The following SUGP2 variants were observed in gnomAD, a reference collection of about 807,000 sequenced individuals.
The protein encoded by SUGP2 is SURP and G-patch domain containing 2, also known as SURP and G-patch domain-containing protein 2.
In SUGP2, 24 loss-of-function variants were observed where a neutral mutation model predicts 90.5. That is an observed-to-expected ratio of 0.27 (90% CI 0.19 to 0.37). The LOEUF (loss-of-function observed/expected upper bound fraction) is 0.37. Ranked by LOEUF, SUGP2 falls within the 10% of genes least tolerant of loss-of-function variation. The pLI is 1.00. For synonymous variants in SUGP2, 473 were observed against 513.4 expected, an observed-to-expected ratio of 0.92 and a Z score of 1.06; for missense variants, 1,233 against 1,363.3, an observed-to-expected ratio of 0.90 and a Z score of 1.51.
rs759891455 is a variant in SUGP2 at position 19,001,610 on chromosome 19, C to T, written c.2991+3G>A. 1.9e-6 allele frequency: 3 copies of T among 1,614,200 alleles called. No individual in the cohort carries two copies. The highest frequency in any genetic ancestry group is 1.6e-4 in the Middle Eastern group (1 of 6,062). On this transcript the variant is annotated splice_donor_region_variant and intron_variant, in intron 8 of 10. Transcript: ENST00000452918. ...AGTGAGGACTACCAATGATTACGCT[C>T]ACCTTCTTTTTGGACATGGGACGAC... is the stretch of plus-strand genomic sequence containing the variant.
chr19:19,025,390 C>G lies in SUGP2; in HGVS notation c.958G>C (p.Asp320His). ...AATCTTGAAAAAACATCAGACTTAT[C>G]TATGATGTCAAAGCTCATCTTTCTT... is the stretch of plus-strand genomic sequence containing the variant. ...PRRKMSFDII[D>H]KSDVFSRFGI... Residue 320 changes from aspartate (D) to histidine (H), a missense_variant, in exon 3 of 11, where the codon GAT becomes CAT. By Grantham distance (81) the Asp-to-His change is moderately conservative (BLOSUM62 -1). Coordinates refer to ENST00000452918, the MANE Select transcript of SUGP2 (RefSeq NM_001017392.5). 1 of 1,614,126 alleles carries G rather than the reference C, an allele frequency of 6.2e-7. No individual in the cohort carries two copies. The highest frequency in any genetic ancestry group is 1.1e-5 in the South Asian group (1 of 91,074).
At chr19:19,010,844 A>G (rs1470072845) in intron 4 of SUGP2, among the ~76,000 whole-genome samples, 2 of 145,390 alleles carry the variant, frequency 1.4e-5, no homozygotes, top group Non-Finnish European at 2.9e-5. Flanking sequence ...ACATGTACTA[A>G]CAGAAAAATA....
At chr19:19,030,644 A>C (rs2059118144) in intron 2 of SUGP2, among the ~76,000 whole-genome samples, 1 of 151,826 alleles carries the variant, frequency 6.6e-6, no homozygotes, top group Admixed American at 6.6e-5. Context: ...CCCCTGACCA[A>C]GTGCAGTGGC....
intron 4 of SUGP2, among the ~76,000 whole-genome samples, chr19:19,018,784 G>A (rs1020054152): frequency 2.0e-5 from 3 of 151,450 alleles, no homozygotes; most frequent in East Asian, 1.9e-4. Flanking sequence ...GCAAACAACT[G>A]CAATGATGTA....
At chr19:18,995,883 T>C (rs1351539475) in intron 8 of SUGP2, among the ~76,000 whole-genome samples, 3 of 152,106 alleles carry the variant, frequency 2.0e-5, no homozygotes, top group African/African-American at 7.2e-5. Context: ...CAGCTGTTGA[T>C]TGCTCCTGTG....
At chr19:19,016,678 C>T (rs2145578602) in intron 4 of SUGP2, among the ~76,000 whole-genome samples, 1 of 152,288 alleles carries the variant, frequency 6.6e-6, no homozygotes, top group South Asian at 2.1e-4. Context: ...GGCAAGAGGG[C>T]TCTTGGAGCC....
intron 10 of SUGP2, chr19:18,994,056 C>A: frequency 4.2e-6 from 1 of 237,230 alleles, no homozygotes. Context: ...CAGGCGTGGC[C>A]TATTTCCACA....
At chr19:19,003,995 G>A (rs2057952659) in intron 7 of SUGP2, among the ~76,000 whole-genome samples, 173 bp downstream of exon 7, 1 of 152,250 alleles carries the variant, frequency 6.6e-6, no homozygotes, top group East Asian at 1.9e-4. Flanking sequence ...AAGGAAACAT[G>A]TCCTTAGAGC....
chr19:18,997,586 C>A (rs1451221463), intron 8 of SUGP2, among the ~76,000 whole-genome samples: 1 of 151,930 alleles, frequency 6.6e-6, no homozygotes, highest in African/African-American at 2.4e-5. Context: ...AGTTTGAGAC[C>A]AGCCTGACCA....
chr19:19,019,088 C>T lies in SUGP2; in HGVS notation c.1850+21G>A, dbSNP rs181895323. 2.6e-3 allele frequency: 4,132 copies of T among 1,608,130 alleles called. 9 individuals carry two copies. Among genetic ancestry groups the T allele is most frequent in the Non-Finnish European group, 3.3e-3 (3,840 of 1,175,352 alleles). ...TATACTCCATGAGAGGGATTCACAG[C>T]GTGGACATTTAAAGACCTACCAGTA... On this transcript the variant is annotated intron_variant, in intron 4 of 10. Transcript: ENST00000452918.
At chr19:18,997,482 G>A (rs925438746) in intron 8 of SUGP2, among the ~76,000 whole-genome samples, 3 of 152,072 alleles carry the variant, frequency 2.0e-5, no homozygotes, top group Admixed American at 1.3e-4. Context: ...AGATGTAGGG[G>A]GTCAGAAACG....
At chr19:19,015,144 G>A (rs1400406546) in intron 4 of SUGP2, among the ~76,000 whole-genome samples, 1 of 152,038 alleles carries the variant, frequency 6.6e-6, no homozygotes, top group Middle Eastern at 3.2e-3. Context: ...AGAGCTTGCA[G>A]CGAGCCAAGA....
intron 8 of SUGP2, among the ~76,000 whole-genome samples, chr19:18,997,813 A>AAAGAAAGAAAGAAAGC (rs2057671689): frequency 1.3e-5 from 2 of 151,574 alleles, no homozygotes; most frequent in African/African-American, 4.8e-5. Flanking sequence ...AGAAAGAAAG[A>AAAGAAAGAAAGAAAGC]AAGAAAGCGA....
chr19:19,007,503 A>G (rs2058124972), intron 6 of SUGP2: 2 of 152,318 alleles, frequency 1.3e-5, no homozygotes, highest in Admixed American at 1.3e-4. Context: ...CCCAGGCTGG[A>G]GTGCAATGGC....
chr19:19,026,750 A>G (rs992979796), intron 2 of SUGP2, among the ~76,000 whole-genome samples: 2 of 152,206 alleles, frequency 1.3e-5, no homozygotes, highest in Non-Finnish European at 2.9e-5. Context: ...GTCTCAGCCC[A>G]CAGTGCCACC....
chr19:19,006,709 G>GGTCT (rs1473446684), intron 6 of SUGP2, among the ~76,000 whole-genome samples: 1 of 152,196 alleles, frequency 6.6e-6, no homozygotes, highest in African/African-American at 2.4e-5. Context: ...CCGACCCCGA[G>GGTCT]GTCTACAGGG....
At chr19:19,014,709 G>A (rs1269518723) in intron 4 of SUGP2, among the ~76,000 whole-genome samples, 1 of 151,982 alleles carries the variant, frequency 6.6e-6, no homozygotes, top group African/African-American at 2.4e-5. Context: ...GCTGAGGCAG[G>A]GGGATTTTGT....
At chr19:19,031,162 C>T in intron 1 of SUGP2, 80 bp from the exon 2 acceptor site, 1 of 1,487,716 alleles carries the variant, frequency 6.7e-7, no homozygotes, top group Non-Finnish European at 9.0e-7. Context: ...AATCCTGGCA[C>T]TTTGGGAGGT....
chr19:19,020,654 TCTC>T (rs2058689626), intron 3 of SUGP2, among the ~76,000 whole-genome samples: 1 of 151,562 alleles, frequency 6.6e-6, no homozygotes, highest in South Asian at 2.1e-4. Context: ...CTCAGGCTGG[TCTC>T]CAATTCTTGG....
Sources: allele counts gnomAD v4.1 joint callset (sites outside exome capture counted in the v4.1 genomes callset), GRCh38; gene constraint gnomAD v4.1.1; transcripts MANE v1.5; gene names NCBI Gene and HGNC (gene_info 2026-07-23, HGNC 2026-07-21).